RXYLT1: variants seen among roughly 807,000 people sequenced by gnomAD.
RXYLT1 encodes the protein ribitol-5-phosphate xylosyltransferase 1.
A neutral mutation model predicts 43.5 loss-of-function variants in RXYLT1; 41 were observed. That is an observed-to-expected ratio of 0.94 (90% CI 0.73 to 1.22). RXYLT1 has a LOEUF of 1.22. Ranked by LOEUF, RXYLT1 falls within the 50% of genes most tolerant of loss-of-function variation. The probability of loss-of-function intolerance (pLI) is 0.00; values close to 1 mark genes in which losing one functional copy is unlikely to be tolerated. For synonymous variants in RXYLT1, 166 were observed against 194.4 expected (o/e 0.85, Z 1.21); for missense variants, 514 against 532.0 (o/e 0.97, Z 0.33).
At chr12:63,780,585 C>T (rs966128826) in intron 1 of RXYLT1, 2 of 864,550 alleles carry the variant, frequency 2.3e-6, no homozygotes, top group South Asian at 5.1e-5. Flanking sequence ...TAAGATCAGA[C>T]TCGGCTTTCT....
At chr12:63,805,853 C>T (rs1340001543) in intron 5 of RXYLT1, 1 of 153,172 alleles carries the variant, frequency 6.5e-6, no homozygotes, top group Non-Finnish European at 1.5e-5. Flanking sequence ...ATCCCCAGAT[C>T]TAACATAGGA....
chr12:63,804,201 T>G (rs1898231661), intron 4 of RXYLT1: 1 of 152,086 alleles, frequency 6.6e-6, no homozygotes, highest in Non-Finnish European at 1.5e-5. Flanking sequence ...TTGTCACAAC[T>G]GGTATCTAGC....
rs1217194698 is a variant in RXYLT1 at position 63,781,058 on chromosome 12, A to T, written c.209A>T (p.Glu70Val). ...GAAAGTGAAGAATGGAATCCTTGGG[A>T]AGGAGATGAAAAAAATGAGCAACAA... ...TLESEEWNPWEGDEKNEQQHR... is the reference protein window; with the variant it reads ...TLESEEWNPWVGDEKNEQQHR... Residue 70 changes from glutamate (E) to valine (V), a missense_variant, in exon 2 of 6, where the codon GAA (glutamate) becomes GTA (valine). Physicochemically the swap from Glu to Val is moderately radical, Grantham distance 121. Transcript: ENST00000261234. The T allele has an allele frequency of 6.2e-7, 1 of 1,608,026 alleles. No individual in the cohort carries two copies. Among genetic ancestry groups the T allele is most frequent in the East Asian group, 2.3e-5 (1 of 44,432 alleles).
At chr12:63,784,684 A>G (rs1236744580) in intron 2 of RXYLT1, among the ~76,000 whole-genome samples, 1 of 152,226 alleles carries the variant, frequency 6.6e-6, no homozygotes, top group Non-Finnish European at 1.5e-5. Context: ...GTAAAGATCC[A>G]TATAAATTAG....
intron 3 of RXYLT1, among the ~76,000 whole-genome samples, chr12:63,794,208 GC>G (rs557221769): frequency 4.7e-4 from 72 of 152,258 alleles, no homozygotes; most frequent in African/African-American, 1.7e-3. Flanking sequence ...TGGAGGTCTA[GC>G]CCTTACTCCC....
At chr12:63,796,040 A>C (rs933332779) in intron 3 of RXYLT1, among the ~76,000 whole-genome samples, 8 of 152,220 alleles carry the variant, frequency 5.3e-5, no homozygotes, top group African/African-American at 1.9e-4. Context: ...ACAGATACAC[A>C]CATTCCCACT....
At chr12:63,801,609 A>G (rs975935355) in intron 3 of RXYLT1, among the ~76,000 whole-genome samples, 1 of 152,080 alleles carries the variant, frequency 6.6e-6, no homozygotes, top group African/African-American at 2.4e-5. Context: ...TGCTTCAGCC[A>G]AGGAGTTCAA....
intron 3 of RXYLT1, among the ~76,000 whole-genome samples, chr12:63,799,561 GATT>G (rs1898113324): frequency 6.6e-6 from 1 of 151,892 alleles, no homozygotes; most frequent in Non-Finnish European, 1.5e-5. Flanking sequence ...AAAGTGCTGG[GATT>G]ACAGGCATGA....
rs989813619 is a variant in RXYLT1, at chr12:63,809,390, A to G, written c.*298A>G. On this transcript the variant is annotated 3_prime_UTR_variant, in exon 6 of 6. Transcript: ENST00000261234. ...TGGTGATACTGGTGTAAACAAATCT[A>G]TTGCACTGCCAGTCAAGTAAAAGTA... is the stretch of plus-strand genomic sequence containing the variant. 1.6e-5 allele frequency: 4 copies of G among 247,438 alleles called. No homozygotes were observed. The highest frequency in any genetic ancestry group is 1.0e-4 in the Admixed American group (2 of 19,088). The allele number at this position is 247,438 out of a possible 1,614,324, so 15.3% of individuals were successfully genotyped here.
intron 3 of RXYLT1, among the ~76,000 whole-genome samples, chr12:63,788,904 T>G (rs2136224164): frequency 6.6e-6 from 1 of 152,350 alleles, no homozygotes; most frequent in South Asian, 2.1e-4. Flanking sequence ...GCTTAACTAT[T>G]TCTAGCTTTT....
chr12:63,780,735 T>C (rs1292432416), intron 1 of RXYLT1, among the ~76,000 whole-genome samples: 1 of 152,210 alleles, frequency 6.6e-6, no homozygotes, highest in African/African-American at 2.4e-5. Flanking sequence ...ACTTGATACA[T>C]ATTATCCTGT....
chr12:63,783,744 C>T (rs1177758729), intron 2 of RXYLT1, among the ~76,000 whole-genome samples: 1 of 152,074 alleles, frequency 6.6e-6, no homozygotes, highest in East Asian at 1.9e-4. Flanking sequence ...TTCCAGGTAC[C>T]ATAATCTTAA....
intron 3 of RXYLT1, among the ~76,000 whole-genome samples, chr12:63,794,511 T>G (rs1897985373): frequency 6.6e-6 from 1 of 152,254 alleles, no homozygotes; most frequent in African/African-American, 2.4e-5. Context: ...GTTTAATTTC[T>G]CCTTTCCTCC....
intron 5 of RXYLT1, 124 bp downstream of exon 5, chr12:63,805,528 T>C (rs1898270882): frequency 1.2e-5 from 11 of 927,792 alleles, no homozygotes; most frequent in Non-Finnish European, 1.7e-5. Context: ...CCCCAGAAGA[T>C]ACATTAGTAA....
At chr12:63,806,820 C>T (rs191860304) in intron 5 of RXYLT1, 2 of 152,334 alleles carry the variant, frequency 1.3e-5, no homozygotes, top group Non-Finnish European at 2.9e-5. Context: ...TTGGGTTTCT[C>T]CCCCTACTTC....
At chr12:63,789,104 C>A (rs1308299503) in intron 3 of RXYLT1, among the ~76,000 whole-genome samples, 1 of 152,152 alleles carries the variant, frequency 6.6e-6, no homozygotes, top group Non-Finnish European at 1.5e-5. Flanking sequence ...TATATTCTCT[C>A]CCTTGGACAC....
At chr12:63,798,582 A>G (rs574900920) in intron 3 of RXYLT1, among the ~76,000 whole-genome samples, 5 of 152,354 alleles carry the variant, frequency 3.3e-5, no homozygotes, top group African/African-American at 7.2e-5. Context: ...TTAAATATTT[A>G]TGGGAAACAC....
chr12:63,802,114 T>C lies in RXYLT1; in HGVS notation c.452T>C (p.Ile151Thr). 6.2e-7 allele frequency: 1 copy of C among 1,605,916 alleles called. No homozygotes were observed. The highest frequency in any genetic ancestry group is 8.5e-7 in the Non-Finnish European group (1 of 1,175,802). Residue 151 changes from isoleucine (I) to threonine (T), a missense_variant, in exon 4 of 6, where the codon ATA becomes ACA. Coordinates refer to ENST00000261234, the MANE Select transcript of RXYLT1 (RefSeq NM_014254.3). ...AGCTTCATCACTGGTCCAGCTGTAATACCAGGGTACTTCTCCGTTGATGTG... is the reference window on the plus strand; with the variant it reads ...AGCTTCATCACTGGTCCAGCTGTAACACCAGGGTACTTCTCCGTTGATGTG... ...QYSFITGPAV[I>T]PGYFSVDVNN...
At chr12:63,799,061 C>A (rs755612174) in intron 3 of RXYLT1, among the ~76,000 whole-genome samples, 11 of 152,104 alleles carry the variant, frequency 7.2e-5, no homozygotes, top group Non-Finnish European at 1.3e-4. Flanking sequence ...TGACCTACAC[C>A]TTGGCTTCGC....
Sources: allele counts gnomAD v4.1 joint callset (sites outside exome capture counted in the v4.1 genomes callset), GRCh38; gene constraint gnomAD v4.1.1; transcripts MANE v1.5; gene names NCBI Gene and HGNC (gene_info 2026-07-23, HGNC 2026-07-21).